ABCA9: variants seen among roughly 807,000 people sequenced by gnomAD.
ABCA9 encodes ATP binding cassette subfamily A member 9.
In ABCA9, 183 loss-of-function variants were observed where a neutral mutation model predicts 205.3. That is an observed-to-expected ratio of 0.89 (90% CI 0.79 to 1.01). The LOEUF is 1.01. ABCA9 is among the 50% of genes least tolerant of loss of function. The pLI, the probability that ABCA9 is intolerant of heterozygous loss-of-function variation, is 0.00. For synonymous variants in ABCA9, 651 were observed against 683.3 expected, an observed-to-expected ratio of 0.95 and a Z score of 0.74; for missense variants, 1,805 against 1,912.4, an observed-to-expected ratio of 0.94 and a Z score of 1.05.
chr17:68,995,745 A>G (rs1419264227), intron 26 of ABCA9, 150 bp downstream of exon 26: 58 of 1,008,530 alleles, frequency 5.8e-5, no homozygotes, highest in Non-Finnish European at 5.1e-5. Context: ...CATGCCCCTT[A>G]TCCATGCGTG....
rs2071826960 is a variant in ABCA9 at position 69,049,417 on chromosome 17, G to T, written c.170C>A (p.Thr57Asn). The change falls in exon 3 of 39, where the codon ACT (threonine) becomes AAT (asparagine). Residue 57 changes from threonine to asparagine, a missense_variant. Thr to Asn is a moderately conservative substitution (Grantham distance 65). Transcript: ENST00000340001. ...CAGATCCATTGAAGACATTTGAGGA[G>T]TGTCATGAACTTGATGTAAATTGGA... ...FFSNLHQVHD[T>N]PQMSSMDLGR... 6.2e-7 allele frequency: 1 copy of T among 1,612,980 alleles called. No homozygotes were observed. The highest frequency in any genetic ancestry group is 8.5e-7 in the Non-Finnish European group (1 of 1,179,254).
chr17:68,995,378 T>G (rs377424359), intron 26 of ABCA9, among the ~76,000 whole-genome samples: 15 of 152,310 alleles, frequency 9.8e-5, no homozygotes, highest in African/African-American at 1.9e-4. Context: ...TCTCTAAATT[T>G]TGGAGTTTAA....
At chr17:69,035,620 G>C in intron 7 of ABCA9, 40 bp downstream of exon 7, 1 of 1,604,728 alleles carries the variant, frequency 6.2e-7, no homozygotes, top group Non-Finnish European at 8.5e-7. Context: ...TAGAGAGAGA[G>C]AAAGAGAATA....
chr17:68,981,018 A>C (rs1057341646), intron 37 of ABCA9, among the ~76,000 whole-genome samples: 2 of 152,146 alleles, frequency 1.3e-5, no homozygotes, highest in Non-Finnish European at 2.9e-5. Context: ...CCACACAAAT[A>C]GTGCATAACC....
At chr17:69,008,631 C>T (rs1023105623) in intron 23 of ABCA9, among the ~76,000 whole-genome samples, 4 of 152,194 alleles carry the variant, frequency 2.6e-5, no homozygotes, top group Non-Finnish European at 5.9e-5. Flanking sequence ...TGAATGTAAA[C>T]AGTGCATTTA....
chr17:69,035,413 T>C lies in ABCA9; in HGVS notation c.961A>G (p.Met321Val). ...GLSLITLAFL[M>V]SVLIKKPFLT... ...AAAGGTTTCTTTATCAACACACTCA[T>C]CAGGAAAGCTAAAGTTATCTGAGAA... Residue 321 changes from methionine (M) to valine (V), a missense_variant, in exon 8 of 39, where the codon ATG becomes GTG. Coordinates refer to ENST00000340001, the MANE Select transcript of ABCA9 (RefSeq NM_080283.4). The C allele has an allele frequency of 6.3e-7, 1 of 1,588,772 alleles. No individual in the cohort carries two copies. Among genetic ancestry groups the C allele is most frequent in the South Asian group, 1.2e-5 (1 of 85,486 alleles).
In ABCA9 at chr17:69,012,069, A is replaced by G. The variant is rs2070399741; in HGVS notation, c.3054T>C (p.Tyr1018=). 6.2e-7 allele frequency: 1 copy of G among 1,611,492 alleles called. No individual in the cohort carries two copies. Among genetic ancestry groups the G allele is most frequent in the Admixed American group, 1.7e-5 (1 of 59,648 alleles). ...RSTFFEEHMD[Y]EYGYRSNTFF... is the part of the protein sequence containing the mutation. Reference sequence around the variant, plus strand: ...AGGTGTTACTTCGGTACCCATACTCATAATCCATATGCTCCTGAAATCATG... The same window carrying G: ...AGGTGTTACTTCGGTACCCATACTCGTAATCCATATGCTCCTGAAATCATG... Residue 1018 remains tyrosine (Y), a synonymous_variant, in exon 23 of 39, where the codon TAT becomes TAC. Coordinates refer to ENST00000340001, the MANE Select transcript of ABCA9 (RefSeq NM_080283.4).
At chr17:69,064,871 A>G (rs1160966410), upstream of ABCA9, among the ~76,000 whole-genome samples, 3 of 152,160 alleles carry the variant, frequency 2.0e-5, no homozygotes, top group Non-Finnish European at 4.4e-5. Context: ...ATTTTTTTTT[A>G]CTATAACAAA....
At chr17:68,999,861 AT>A (rs2069781531) in intron 25 of ABCA9, among the ~76,000 whole-genome samples, 1 of 151,906 alleles carries the variant, frequency 6.6e-6, no homozygotes, top group Non-Finnish European at 1.5e-5. Context: ...TTTGATTTGC[AT>A]TTCTCTGATG....
intron 6 of ABCA9, among the ~76,000 whole-genome samples, chr17:69,041,190 A>C (rs572385715): frequency 6.6e-6 from 1 of 152,294 alleles, no homozygotes; most frequent in Non-Finnish European, 1.5e-5. Flanking sequence ...TTAAGGGCTA[A>C]TTGTAATAAC....
chr17:69,045,735 G>C (rs751932798), intron 3 of ABCA9, among the ~76,000 whole-genome samples: 16 of 152,084 alleles, frequency 1.1e-4, no homozygotes, highest in Non-Finnish European at 1.9e-4. Flanking sequence ...GCAGGAGAGA[G>C]AATGAGTGCA....
chr17:68,984,021 C>T, intron 35 of ABCA9, 35 bp downstream of exon 35: 1 of 1,613,566 alleles, frequency 6.2e-7, no homozygotes, highest in South Asian at 1.1e-5. Context: ...AGCACACAAC[C>T]TAGGGGCTGA....
intron 37 of ABCA9, among the ~76,000 whole-genome samples, chr17:68,977,887 A>C (rs1203120433): frequency 6.6e-6 from 1 of 152,168 alleles, no homozygotes; most frequent in Non-Finnish European, 1.5e-5. Context: ...ACTTTTAGCA[A>C]ATTAAGTACT....
At chr17:69,060,683 T>A (rs964405297) in intron 1 of ABCA9, among the ~76,000 whole-genome samples, 183 bp downstream of exon 1, 3 of 152,218 alleles carry the variant, frequency 2.0e-5, no homozygotes, top group African/African-American at 7.2e-5. Flanking sequence ...AAAATTTAAA[T>A]TCTTAGTTCT....
chr17:69,003,257 A>G (rs1350862962), intron 25 of ABCA9, among the ~76,000 whole-genome samples: 7 of 151,922 alleles, frequency 4.6e-5, no homozygotes, highest in African/African-American at 7.3e-5. Context: ...GGCTGGTACC[A>G]GTTGTTCCTT....
intron 12 of ABCA9, 53 bp downstream of exon 12, chr17:69,028,482 T>A (rs535249350): frequency 8.0e-7 from 1 of 1,250,832 alleles, no homozygotes; most frequent in African/African-American, 1.5e-5. Context: ...AATAATTAAA[T>A]GCATATTAAT....
Position 68,985,107 on chromosome 17 carries a change from C to T in ABCA9, c.4230G>A (p.Leu1410=). The change falls in exon 33 of 39, where the codon CTG becomes CTA. Residue 1410 remains leucine (L), a synonymous_variant. Transcript: ENST00000340001. ...AITRLVDALK[L]QDQLKAPVKT... is the part of the protein sequence containing the mutation. ...TCACGGGAGCCTTCAGCTGGTCCTG[C>T]AGCTTGAGCGCATCCACTAACCTGA... is the stretch of plus-strand genomic sequence containing the variant. 6.2e-7 allele frequency: 1 copy of T among 1,614,228 alleles called. No homozygotes were observed. Among genetic ancestry groups the T allele is most frequent in the South Asian group, 1.1e-5 (1 of 91,088 alleles).
rs149239189 is a variant in ABCA9 at position 68,986,403 on chromosome 17, A to G, written c.4048-79T>C. 1.3e-4 allele frequency: 178 copies of G among 1,375,096 alleles called. No homozygotes were observed. The African/African-American group carries it at 2.1e-3, about 16-fold the overall frequency. The allele number at this position is 1,375,096 out of a possible 1,614,324, so 85.2% of individuals were successfully genotyped here. A position where few individuals can be genotyped will look rare whatever the true frequency, so the allele number is the denominator to read the frequency against. Reference sequence around the variant, plus strand: ...TATGCATGTAAGCCGTACTTCAGAGATGCCCTTCTCTTCACACACACAGGT... The same window carrying G: ...TATGCATGTAAGCCGTACTTCAGAGGTGCCCTTCTCTTCACACACACAGGT... On this transcript the variant is annotated intron_variant, in intron 31 of 38. Transcript: ENST00000340001.
intron 1 of ABCA9, 27 bp from the exon 2 acceptor site, chr17:69,051,166 G>A (rs1942365329): frequency 6.2e-7 from 1 of 1,603,190 alleles, no homozygotes; most frequent in Non-Finnish European, 8.5e-7. Context: ...AAAAAATGAA[G>A]TACATGTGAA....
Sources: allele counts gnomAD v4.1 joint callset (sites outside exome capture counted in the v4.1 genomes callset), GRCh38; gene constraint gnomAD v4.1.1; transcripts MANE v1.5; gene names NCBI Gene and HGNC (gene_info 2026-07-23, HGNC 2026-07-21).